PCDHGA6: variants seen among roughly 807,000 people sequenced by gnomAD.
PCDHGA6 encodes the protein protocadherin gamma-A6.
A neutral mutation model predicts 60.6 loss-of-function variants in PCDHGA6; 41 were observed. The observed-to-expected ratio is 0.68, with a 90% CI of 0.53 to 0.88. The LOEUF (loss-of-function observed/expected upper bound fraction) is 0.88. Among genes scored for constraint, PCDHGA6 ranks in the 40% least tolerant of loss-of-function variants. The pLI is 0.00. For synonymous variants in PCDHGA6, 594 were observed against 524.4 expected (o/e 1.13, Z -1.81); for missense variants, 1,312 against 1,203.0 (o/e 1.09, Z -1.34).
Position 141,477,486 on chromosome 5 carries a change from C to A in PCDHGA6, c.2425-17321C>A. On this transcript the variant is annotated intron_variant, in intron 1 of 3. Coordinates refer to ENST00000517434, the MANE Select transcript of PCDHGA6 (RefSeq NM_018919.3). This position sits in a 1 kb window ranked among gnomAD's most constrained non-coding sequence, Gnocchi z 4.9. ...GACATCAATGACAACCCTCCACAAT[C>A]TTCTCAATCTTCCTACGACGTTTAC... is the stretch of plus-strand genomic sequence containing the variant. The A allele has an allele frequency of 6.2e-7, 1 of 1,614,170 alleles. No homozygotes were observed. The highest frequency in any genetic ancestry group is 8.5e-7 in the Non-Finnish European group (1 of 1,180,040).
At chr5:141,405,226 C>T (rs756970325) in intron 1 of PCDHGA6, 6 of 1,613,934 alleles carry the variant, frequency 3.7e-6, no homozygotes, top group Admixed American at 3.3e-5. Context: ...AGGAGTTCTC[C>T]CTCACCGCTG....
intron 1 of PCDHGA6, among the ~76,000 whole-genome samples, chr5:141,437,064 G>T (rs1380953110): frequency 6.6e-6 from 1 of 152,170 alleles, no homozygotes; most frequent in Non-Finnish European, 1.5e-5. Flanking sequence ...ATCATTATTT[G>T]GTTTGGGCCA....
At chr5:141,459,891 CT>C (rs1405964049) in intron 1 of PCDHGA6, among the ~76,000 whole-genome samples, 1 of 152,158 alleles carries the variant, frequency 6.6e-6, no homozygotes, top group African/African-American at 2.4e-5. Flanking sequence ...TGAACGCCTT[CT>C]TAAAATTGAG....
At chr5:141,384,179 G>A (rs1252177053) in intron 1 of PCDHGA6, 1 of 1,613,830 alleles carries the variant, frequency 6.2e-7, no homozygotes, top group Middle Eastern at 1.6e-4. Flanking sequence ...GCCACAGATG[G>A]TGGAACTCCT....
intron 1 of PCDHGA6, among the ~76,000 whole-genome samples, chr5:141,443,466 A>G (rs1402303157): frequency 6.6e-6 from 1 of 152,184 alleles, no homozygotes; most frequent in East Asian, 1.9e-4. Flanking sequence ...AGTCTGGGTG[A>G]CAGAATTAGA....
rs771744120 is a variant in PCDHGA6 at position 141,485,876 on chromosome 5, G to A, written c.2425-8931G>A. ...AGAGCTCCGGGTATCCGTGCTGGAC[G>A]TAAACGACAACGCCCCAGCCTTCCA... On this transcript the variant is annotated intron_variant, in intron 1 of 3. Transcript: ENST00000517434. This position sits in a 1 kb window ranked among gnomAD's most constrained non-coding sequence, Gnocchi z 5.7. 1 of 1,614,174 alleles carries A rather than the reference G, an allele frequency of 6.2e-7. No homozygotes were observed. Among genetic ancestry groups the A allele is most frequent in the Non-Finnish European group, 8.5e-7 (1 of 1,180,030 alleles).
intron 1 of PCDHGA6, among the ~76,000 whole-genome samples, chr5:141,472,742 T>C (rs926507203): frequency 2.0e-5 from 3 of 151,762 alleles, no homozygotes; most frequent in Non-Finnish European, 4.4e-5. Flanking sequence ...TCCCAGCACT[T>C]TGGGAGGCGG....
chr5:141,460,681 A>G (rs2098995379), intron 1 of PCDHGA6, among the ~76,000 whole-genome samples: 1 of 152,134 alleles, frequency 6.6e-6, no homozygotes, highest in African/African-American at 2.4e-5. Context: ...ATATATCTAT[A>G]TATCCACCAA....
At chr5:141,469,552 C>T (rs956606902) in intron 1 of PCDHGA6, among the ~76,000 whole-genome samples, 3 of 151,910 alleles carry the variant, frequency 2.0e-5, no homozygotes, top group Non-Finnish European at 4.4e-5. Flanking sequence ...TCCAGCCTGG[C>T]GACAGAGTGA....
chr5:141,427,975 C>T lies in PCDHGA6; in HGVS notation c.2424+51468C>T, dbSNP rs757718263. ...AATGTGCCGCGGGTGCTGTACCCCGCGCTGGGGCCCGATGGCTCCGCACTC... is the reference window on the plus strand; with the variant it reads ...AATGTGCCGCGGGTGCTGTACCCCGTGCTGGGGCCCGATGGCTCCGCACTC... On this transcript the variant is annotated intron_variant, in intron 1 of 3. Transcript: ENST00000517434. The T allele has an allele frequency of 1.9e-6, 3 of 1,594,600 alleles. No individual in the cohort carries two copies. In the South Asian group the frequency reaches 3.3e-5, roughly 18 times the overall value.
chr5:141,501,425 G>A (rs1444899306), intron 2 of PCDHGA6, among the ~76,000 whole-genome samples: 1 of 151,726 alleles, frequency 6.6e-6, no homozygotes, highest in Non-Finnish European at 1.5e-5. Flanking sequence ...TTGACTAAAT[G>A]TAGTCCATTT....
Position 141,378,904 on chromosome 5 carries a change from T to C in PCDHGA6, c.2424+2397T>C, listed in dbSNP as rs947498432. 2.0e-5 allele frequency: 3 copies of C among 152,224 alleles called. 1 individual carries two copies. Among genetic ancestry groups the C allele is most frequent in the Non-Finnish European group, 4.4e-5 (3 of 68,030 alleles). 9.4% of individuals were successfully genotyped at this position (152,224 alleles called of 1,614,324 possible). A position where few individuals can be genotyped will look rare whatever the true frequency, so the allele number is the denominator to read the frequency against. ...ACTAAGGAGATAGGAGATTCTGTTA[T>C]CGACAGTCTTCAAAAGTAAGTTGAT... On this transcript the variant is annotated intron_variant, in intron 1 of 3. Transcript: ENST00000517434.
At chr5:141,492,404 T>C (rs944864208) in intron 1 of PCDHGA6, among the ~76,000 whole-genome samples, 9 of 152,316 alleles carry the variant, frequency 5.9e-5, no homozygotes, top group African/African-American at 1.9e-4. Context: ...GCAGCTCCCC[T>C]CTGCCGCTCC....
intron 1 of PCDHGA6, chr5:141,413,119 G>C: frequency 6.6e-7 from 1 of 1,522,222 alleles, no homozygotes; most frequent in Non-Finnish European, 8.8e-7. Flanking sequence ...AAAGGAACCG[G>C]TTGAAACACA....
chr5:141,478,752 G>A (rs2099475483), intron 1 of PCDHGA6: 2 of 1,521,420 alleles, frequency 1.3e-6, no homozygotes, highest in South Asian at 1.3e-5. Context: ...CATTTCAGGG[G>A]GAAGATACTT....
chr5:141,405,345 A>C (rs758657243), intron 1 of PCDHGA6: 2 of 1,613,944 alleles, frequency 1.2e-6, no homozygotes, highest in Middle Eastern at 1.6e-4. Context: ...GTTGATTCCA[A>C]GTTTCCTATA....
At chr5:141,504,666 G>T (rs2099839952) in intron 2 of PCDHGA6, among the ~76,000 whole-genome samples, 1 of 107,242 alleles carries the variant, frequency 9.3e-6, no homozygotes, top group South Asian at 3.6e-4. Context: ...AGGGCGGGGG[G>T]TGGGGGTTCT....
intron 3 of PCDHGA6, 154 bp from the exon 4 acceptor site, chr5:141,510,793 G>GAGA: frequency 1.1e-6 from 1 of 935,078 alleles, no homozygotes; most frequent in Non-Finnish European, 1.3e-6. Context: ...CTCTTGTGAA[G>GAGA]AGAGACTACC....
At chr5:141,394,094 A>C (rs759909698) in intron 1 of PCDHGA6, 5 of 1,613,934 alleles carry the variant, frequency 3.1e-6, no homozygotes, top group Non-Finnish European at 3.4e-6. Flanking sequence ...CCTCAGATCT[A>C]GGAACACCAC....
Sources: gnomAD v4.1 joint callset for allele counts (sites outside exome capture counted in the v4.1 genomes callset) on GRCh38, gnomAD v4.1.1 for gene constraint, Gnocchi (gnomAD v3.1) non-coding constraint, MANE v1.5 for transcripts, NCBI Gene and HGNC (gene_info 2026-07-23, HGNC 2026-07-21) for gene names.